Variants in RPN2 observed in about 807,000 individuals in gnomAD.
RPN2 encodes ribophorin II, also known as dolichyl-diphosphooligosaccharide--protein glycosyltransferase subunit 2.
A neutral mutation model predicts 71.4 loss-of-function variants in RPN2; 29 were observed. The ratio of observed to expected loss-of-function variants is 0.41; its 90% CI spans 0.30 to 0.55. RPN2 has a LOEUF of 0.55. Ranked by LOEUF, RPN2 falls within the 20% of genes least tolerant of loss-of-function variation. RPN2 has a pLI of 0.35. For synonymous variants in RPN2, 308 were observed against 305.0 expected (o/e 1.01, Z -0.10); for missense variants, 726 against 774.1 (o/e 0.94, Z 0.74).
chr20:37,237,907 A>G (rs2068445234), intron 16 of RPN2, among the ~76,000 whole-genome samples: 1 of 152,182 alleles, frequency 6.6e-6, no homozygotes, highest in Non-Finnish European at 1.5e-5. Context: ...GAAGAATGAA[A>G]TCTGCCCGCC....
At chr20:37,196,808 C>T (rs746594421) in intron 2 of RPN2, among the ~76,000 whole-genome samples, 4 of 152,136 alleles carry the variant, frequency 2.6e-5, no homozygotes, top group Non-Finnish European at 5.9e-5. Context: ...GTCGTAGTAG[C>T]GGGGGCTTGG....
chr20:37,191,734 A>G (rs1250884185), intron 2 of RPN2, among the ~76,000 whole-genome samples: 1 of 152,134 alleles, frequency 6.6e-6, no homozygotes, highest in African/African-American at 2.4e-5. Flanking sequence ...TTTATATAAA[A>G]CATAAGCATG....
intron 15 of RPN2, among the ~76,000 whole-genome samples, chr20:37,236,303 G>A (rs965052930): frequency 6.6e-6 from 1 of 152,058 alleles, no homozygotes; most frequent in African/African-American, 2.4e-5. Context: ...GTGTTGCCCA[G>A]GGTGGTCTCG....
rs977981583 is a variant in RPN2, at chr20:37,223,885, T to C, written c.1100T>C (p.Val367Ala). Residue 367 changes from valine to alanine, a missense_variant, in exon 10 of 17, where the codon GTC becomes GCC. By Grantham distance (64) the Val-to-Ala change is moderately conservative (BLOSUM62 0). Coordinates refer to ENST00000237530, the MANE Select transcript of RPN2 (RefSeq NM_002951.5). ...TTCTCTATTTTCCTCTAGCTCAGAGTCAAGATCTCCACTGAAGTTGGCATC... is the reference window on the plus strand; with the variant it reads ...TTCTCTATTTTCCTCTAGCTCAGAGCCAAGATCTCCACTGAAGTTGGCATC... ...RYIANTVELR[V>A]KISTEVGITN... 45 of 1,613,618 alleles carry C rather than the reference T, an allele frequency of 2.8e-5. No individual in the cohort carries two copies. Among genetic ancestry groups the C allele is most frequent in the Non-Finnish European group, 3.5e-5 (41 of 1,179,784 alleles).
chr20:37,241,344 ACTG>A lies in RPN2; in HGVS notation c.*30_*32del, dbSNP rs1308596738. On this transcript the variant is annotated 3_prime_UTR_variant, in exon 17 of 17. Coordinates refer to ENST00000237530, the MANE Select transcript of RPN2 (RefSeq NM_002951.5). ...CAGAAGAAAGATGGAAATTCTGAAA[ACTG>A]AATGTCAAGAAAAGGAGTCAAGAAC... The A allele has an allele frequency of 6.2e-7, 1 of 1,611,310 alleles. No homozygotes were observed. The highest frequency in any genetic ancestry group is 2.2e-5 in the East Asian group (1 of 44,842).
chr20:37,185,588 C>T (rs751542141), intron 2 of RPN2, among the ~76,000 whole-genome samples: 7 of 152,018 alleles, frequency 4.6e-5, no homozygotes, highest in African/African-American at 1.2e-4. Context: ...AAAACACCAC[C>T]GACTTATTGG....
chr20:37,192,144 C>G (rs1298130372), intron 2 of RPN2, among the ~76,000 whole-genome samples: 1 of 152,068 alleles, frequency 6.6e-6, no homozygotes, highest in African/African-American at 2.4e-5. Flanking sequence ...CCTTATAAAG[C>G]GTTGTGAGCA....
At position 37,241,457 on chromosome 20, in the gene RPN2, G is replaced by GT. The variant is rs2068549092; in HGVS notation, c.*147dup. ...CCAGATTGTAGTTATACTTTTGCTT[G>GT]TTTTTCAGTTTCCCCAACACACAGC... On this transcript the variant is annotated 3_prime_UTR_variant, in exon 17 of 17. Transcript: ENST00000237530. 1.0e-6 allele frequency: 1 copy of GT among 987,594 alleles called. No homozygotes were observed. Among genetic ancestry groups the GT allele is most frequent in the Non-Finnish European group, 1.5e-6 (1 of 653,976 alleles). 61.2% of individuals were successfully genotyped at this position (987,594 alleles called of 1,614,324 possible). A position where few individuals can be genotyped will look rare whatever the true frequency, so the allele number is the denominator to read the frequency against.
rs144375800 is a variant in RPN2 at position 37,204,798 on chromosome 20, G to T, written c.587G>T (p.Gly196Val). 1.2e-6 allele frequency: 2 copies of T among 1,614,188 alleles called. No homozygotes were observed. Among genetic ancestry groups the T allele is most frequent in the South Asian group, 2.2e-5 (2 of 91,082 alleles). The change falls in exon 6 of 17, where the codon GGC becomes GTC. Residue 196 changes from glycine (G) to valine (V), a missense_variant. Physicochemically the swap from Gly to Val is moderately radical, Grantham distance 109. Transcript: ENST00000237530. ...DLVARLDELG[G>V]VYLQFEEGLE... ...GTTGCTCGCCTGGATGAACTCGGGG[G>T]CGTGTATCTCCAGTTTGAAGAAGGA...
At chr20:37,189,348 T>C (rs2067088999) in intron 2 of RPN2, among the ~76,000 whole-genome samples, 1 of 151,736 alleles carries the variant, frequency 6.6e-6, no homozygotes, top group Non-Finnish European at 1.5e-5. Flanking sequence ...TGTGTGTGTG[T>C]GTGTGTGTGT....
intron 16 of RPN2, among the ~76,000 whole-genome samples, chr20:37,237,691 C>T (rs899148256): frequency 6.6e-6 from 1 of 152,150 alleles, no homozygotes; most frequent in Admixed American, 6.5e-5. Flanking sequence ...CCAGAGCTTC[C>T]CTTAGCACCA....
At chr20:37,179,441 C>G in intron 1 of RPN2, 72 bp downstream of exon 1, 1 of 1,445,756 alleles carries the variant, frequency 6.9e-7, no homozygotes, top group South Asian at 1.4e-5. Context: ...GCTCGAGAGC[C>G]GGCCAGGCGG....
chr20:37,239,406 T>C (rs1325959860), intron 16 of RPN2, among the ~76,000 whole-genome samples: 1 of 152,216 alleles, frequency 6.6e-6, no homozygotes, highest in Non-Finnish European at 1.5e-5. Flanking sequence ...CATGTTCTCC[T>C]TTATCCTTTG....
At chr20:37,236,460 C>A in intron 15 of RPN2, 120 bp from the exon 16 acceptor site, 2 of 1,069,674 alleles carry the variant, frequency 1.9e-6, no homozygotes, top group Non-Finnish European at 2.8e-6. Context: ...AGGAATAAAA[C>A]AAGCTGGTAT....
intron 2 of RPN2, among the ~76,000 whole-genome samples, chr20:37,188,543 A>G (rs2067066563): frequency 2.0e-5 from 3 of 151,260 alleles, no homozygotes; most frequent in Admixed American, 2.0e-4. Flanking sequence ...ATACAGTTTT[A>G]TAGTTATTTT....
At chr20:37,179,968 C>T (rs529099060) in intron 1 of RPN2, among the ~76,000 whole-genome samples, 2 of 152,218 alleles carry the variant, frequency 1.3e-5, no homozygotes, top group Non-Finnish European at 2.9e-5. Context: ...GTCACGTTAT[C>T]TGCCTCGTTG....
At chr20:37,228,048 C>T (rs1436462002) in intron 11 of RPN2, among the ~76,000 whole-genome samples, 3 of 152,190 alleles carry the variant, frequency 2.0e-5, no homozygotes, top group Non-Finnish European at 4.4e-5. Flanking sequence ...GAGGCTCTCT[C>T]CATGACACTG....
Position 37,228,538 on chromosome 20 carries a change from T to G in RPN2, c.1300-12T>G, listed in dbSNP as rs1204875774. 1.2e-6 allele frequency: 2 copies of G among 1,612,036 alleles called. No homozygotes were observed. The highest frequency in any genetic ancestry group is 1.7e-6 in the Non-Finnish European group (2 of 1,178,102). On this transcript the variant is annotated splice_polypyrimidine_tract_variant and intron_variant, in intron 11 of 16. Transcript: ENST00000237530. ...ATTATCAGATGAAAGATTGTATTAT[T>G]CTTCCATCTAGACATTTGTCCGACT...
chr20:37,183,186 T>C (rs1445904723), intron 1 of RPN2, among the ~76,000 whole-genome samples: 3 of 150,598 alleles, frequency 2.0e-5, no homozygotes, highest in Non-Finnish European at 2.9e-5. Flanking sequence ...AACATTGATA[T>C]AGCATTTGTT....
Sources: allele counts gnomAD v4.1 joint callset (sites outside exome capture counted in the v4.1 genomes callset), GRCh38; gene constraint gnomAD v4.1.1; transcripts MANE v1.5; gene names NCBI Gene and HGNC (gene_info 2026-07-23, HGNC 2026-07-21).